NEK11: variants seen among roughly 807,000 people sequenced by gnomAD.
NEK11 encodes the protein serine/threonine-protein kinase Nek11.
Under a neutral mutation model 80.7 loss-of-function variants are expected in NEK11, and 72 were observed. That is an observed-to-expected ratio of 0.89 (90% CI 0.74 to 1.08). The LOEUF is 1.08. NEK11 is among the 50% of genes least tolerant of loss of function. The probability of loss-of-function intolerance (pLI) is 0.00; values close to 1 mark genes in which losing one functional copy is unlikely to be tolerated. For missense variants in NEK11, 764 were observed against 763.6 expected, an observed-to-expected ratio of 1.00 and a Z score of -0.01; for synonymous variants, 251 against 260.7, an observed-to-expected ratio of 0.96 and a Z score of 0.36.
intron 3 of NEK11, among the ~76,000 whole-genome samples, chr3:131,058,104 T>C (rs1456981972): frequency 6.6e-6 from 1 of 152,108 alleles, no homozygotes; most frequent in Non-Finnish European, 1.5e-5. Context: ...GCTTTCTACA[T>C]ATGGCTAGCC....
At chr3:131,327,770 T>A (rs1187518576) in intron 17 of NEK11, 1 of 151,230 alleles carries the variant, frequency 6.6e-6, no homozygotes, top group African/African-American at 2.4e-5. Flanking sequence ...GGGCGGGGTC[T>A]GTGCCAAATC....
intron 5 of NEK11, among the ~76,000 whole-genome samples, chr3:131,112,100 T>C (rs2080231354): frequency 6.6e-6 from 1 of 152,186 alleles, no homozygotes; most frequent in Non-Finnish European, 1.5e-5. Flanking sequence ...TGAGTGCTGA[T>C]GTCCAACAAA....
intron 15 of NEK11, among the ~76,000 whole-genome samples, chr3:131,238,646 C>A (rs973081777): frequency 2.0e-4 from 30 of 152,058 alleles, no homozygotes; most frequent in Non-Finnish European, 8.8e-5. Context: ...AAGGAGCCAG[C>A]CCTTGATGGG....
At chr3:131,110,004 T>C in intron 5 of NEK11, 83 bp downstream of exon 5, 3 of 1,440,954 alleles carry the variant, frequency 2.1e-6, no homozygotes, top group Non-Finnish European at 2.8e-6. Flanking sequence ...TTTTCTATAA[T>C]TGAAAGAAAA....
chr3:131,178,514 G>C (rs899958265), intron 14 of NEK11, among the ~76,000 whole-genome samples: 1 of 151,858 alleles, frequency 6.6e-6, no homozygotes, highest in Admixed American at 6.6e-5. Context: ...TGTTAAAAAC[G>C]AAGTCACGAA....
At chr3:131,086,980 TAA>T (rs1166183467) in intron 4 of NEK11, among the ~76,000 whole-genome samples, 2 of 152,184 alleles carry the variant, frequency 1.3e-5, no homozygotes, top group African/African-American at 4.8e-5. Flanking sequence ...CCGTTTTTCT[TAA>T]GAGAGTATAA....
At chr3:131,108,771 C>T (rs1177855392) in intron 4 of NEK11, among the ~76,000 whole-genome samples, 1 of 151,936 alleles carries the variant, frequency 6.6e-6, no homozygotes, top group Non-Finnish European at 1.5e-5. Context: ...GTGCTTGGAT[C>T]CCCACATAGA....
chr3:131,102,604 A>AT (rs1443599394), intron 4 of NEK11, among the ~76,000 whole-genome samples: 2 of 151,718 alleles, frequency 1.3e-5, no homozygotes, highest in African/African-American at 4.8e-5. Flanking sequence ...TTCCTTTAAG[A>AT]TTTTTTCTTT....
At chr3:131,108,195 A>G (rs1358374201) in intron 4 of NEK11, among the ~76,000 whole-genome samples, 4 of 152,104 alleles carry the variant, frequency 2.6e-5, no homozygotes, top group African/African-American at 7.2e-5. Context: ...ATATTTGCAC[A>G]TTGCACTGTA....
intron 10 of NEK11, among the ~76,000 whole-genome samples, chr3:131,161,807 C>A (rs1320253532): frequency 1.3e-5 from 2 of 152,266 alleles, no homozygotes; most frequent in East Asian, 3.9e-4. Context: ...ATATAACAAA[C>A]CTGCACATGC....
In NEK11 at chr3:131,272,205, G is replaced by A. The variant is rs2096203553; in HGVS notation, c.1622-1273G>A. Among the ~76,000 whole-genome samples, 3 of 152,262 alleles carry A rather than the reference G, an allele frequency of 2.0e-5. 1 individual carries two copies. The South Asian group carries it at 6.2e-4, about 32-fold the overall frequency. On this transcript the variant is annotated intron_variant, in intron 16 of 17. Coordinates refer to ENST00000383366, the MANE Select transcript of NEK11 (RefSeq NM_024800.5). ...AGCAGGCACATGTTATATGAGATAT[G>A]TTGAGAAAAGAATGGGAATTTCATA... is the stretch of plus-strand genomic sequence containing the variant.
chr3:131,256,774 T>G (rs1447195603), intron 16 of NEK11, among the ~76,000 whole-genome samples: 1 of 152,118 alleles, frequency 6.6e-6, no homozygotes, highest in East Asian at 1.9e-4. Flanking sequence ...GGCTGGAGAT[T>G]GCATTTCCCA....
chr3:131,211,139 C>A (rs1198640150), intron 14 of NEK11, among the ~76,000 whole-genome samples: 1 of 152,166 alleles, frequency 6.6e-6, no homozygotes, highest in Non-Finnish European at 1.5e-5. Flanking sequence ...TTTAGTGCTT[C>A]CTTCAGGAGC....
At chr3:131,123,760 G>A (rs1241551865) in intron 5 of NEK11, among the ~76,000 whole-genome samples, 1 of 151,796 alleles carries the variant, frequency 6.6e-6, no homozygotes, top group African/African-American at 2.4e-5. Context: ...CTTCTGGTGG[G>A]CTCCTTAGCT....
intron 14 of NEK11, among the ~76,000 whole-genome samples, chr3:131,179,667 G>C (rs907853731): frequency 2.0e-4 from 30 of 152,102 alleles, no homozygotes; most frequent in African/African-American, 7.2e-4. Flanking sequence ...TGGAAAATGA[G>C]TCAAGTCTTA....
intron 17 of NEK11, among the ~76,000 whole-genome samples, chr3:131,306,682 A>G (rs1246081834): frequency 6.6e-6 from 1 of 152,212 alleles, no homozygotes; most frequent in Non-Finnish European, 1.5e-5. Flanking sequence ...AACAGAGCGC[A>G]CTGACATAGT....
At chr3:131,043,579 T>G (rs1310497269) in intron 3 of NEK11, among the ~76,000 whole-genome samples, 1 of 152,152 alleles carries the variant, frequency 6.6e-6, no homozygotes, top group African/African-American at 2.4e-5. Flanking sequence ...GAATGAAAAG[T>G]AATGAACAAA....
At chr3:131,216,875 G>A (rs557324485) in intron 14 of NEK11, among the ~76,000 whole-genome samples, 3 of 152,350 alleles carry the variant, frequency 2.0e-5, no homozygotes, top group African/African-American at 7.2e-5. Flanking sequence ...TGGGCGCAGA[G>A]GGGGCTCTTT....
At chr3:131,136,832 G>A (rs938505459) in intron 7 of NEK11, among the ~76,000 whole-genome samples, 2 of 152,172 alleles carry the variant, frequency 1.3e-5, no homozygotes. Context: ...ATACAAATAT[G>A]AGTTGGGTTC....
Sources: allele counts gnomAD v4.1 joint callset (sites outside exome capture counted in the v4.1 genomes callset), GRCh38; gene constraint gnomAD v4.1.1; transcripts MANE v1.5; gene names NCBI Gene and HGNC (gene_info 2026-07-23, HGNC 2026-07-21).